SYCE1: variants seen among roughly 807,000 people sequenced by gnomAD.
The protein encoded by SYCE1 is cancer/testis antigen 76.
Under a neutral mutation model 55.1 loss-of-function variants are expected in SYCE1, and 37 were observed. That is an observed-to-expected ratio of 0.67 (90% confidence interval 0.52 to 0.88). The LOEUF is 0.88. Ranked by LOEUF, SYCE1 falls within the 40% of genes least tolerant of loss-of-function variation. The pLI is 0.00. For synonymous variants in SYCE1, 163 were observed against 159.4 expected (o/e 1.02, Z -0.17); for missense variants, 399 against 416.4 (o/e 0.96, Z 0.36).
intron 8 of SYCE1, 54 bp from the exon 9 acceptor site, chr10:133,556,101 A>G: frequency 1.9e-6 from 3 of 1,594,408 alleles, no homozygotes; most frequent in Non-Finnish European, 2.6e-6. Context: ...CCCATGCCTC[A>G]AAGAAGGCTA....
At chr10:133,556,908 T>C (rs1207803685) in intron 7 of SYCE1, 86 bp from the exon 8 acceptor site, 3 of 1,557,978 alleles carry the variant, frequency 1.9e-6, no homozygotes, top group Admixed American at 3.3e-5. Flanking sequence ...TTCAGGCAGA[T>C]TTTGGGGTGC....
intron 1 of SYCE1, among the ~76,000 whole-genome samples, chr10:133,561,696 T>C (rs10857760): frequency 0.13 from 20,298 of 152,014 alleles, 1,327 homozygotes; most frequent in East Asian, 0.25. Flanking sequence ...TTTTTCCTTA[T>C]CATTAGAGTG....
chr10:133,565,914 C>T (rs28434613), upstream of SYCE1, among the ~76,000 whole-genome samples: 1,967 of 152,164 alleles, frequency 0.013, no homozygotes, highest in African/African-American at 0.045. Context: ...TGACGGATGA[C>T]GACTCCACAA....
At chr10:133,559,670 G>T (rs1851775951) in intron 2 of SYCE1, 2 of 405,246 alleles carry the variant, frequency 4.9e-6, no homozygotes, top group Admixed American at 4.0e-5. Context: ...ATCAAGTGGT[G>T]GGGGGCAGGC....
At chr10:133,565,399 C>G in intron 1 of SYCE1, 58 bp downstream of exon 1, 1 of 1,449,628 alleles carries the variant, frequency 6.9e-7, no homozygotes, top group Non-Finnish European at 9.2e-7. Context: ...CGCCCCAACC[C>G]TGCCCCGCCT....
intron 4 of SYCE1, chr10:133,558,515 T>C (rs1298294042): frequency 3.7e-6 from 2 of 538,994 alleles, no homozygotes; most frequent in Non-Finnish European, 6.6e-6. Flanking sequence ...ACACATCAAA[T>C]AGGATGGGGC....
Position 133,558,175 on chromosome 10 carries a change from T to C in SYCE1, c.311A>G (p.Lys104Arg). The C allele has an allele frequency of 6.2e-7, 1 of 1,614,188 alleles. No individual in the cohort carries two copies. Residue 104 changes from lysine (K) to arginine (R), a missense_variant, in exon 5 of 13, where the codon AAA (lysine) becomes AGA (arginine). Lys to Arg is a conservative substitution (Grantham distance 26). Coordinates refer to ENST00000343131, the MANE Select transcript of SYCE1 (RefSeq NM_001143764.3). ...AGGGGAGCGGCAAATACCTTGTTTTTTGCTCAAGATCTCCTTCAGGTGTAC... is the reference window on the plus strand; with the variant it reads ...AGGGGAGCGGCAAATACCTTGTTTTCTGCTCAAGATCTCCTTCAGGTGTAC... ...EKVHLKEILS[K>R]KQETLRILRL...
At chr10:133,559,431 G>T in intron 2 of SYCE1, 71 bp from the exon 3 acceptor site, 1 of 1,470,156 alleles carries the variant, frequency 6.8e-7, no homozygotes, top group Non-Finnish European at 9.5e-7. Flanking sequence ...TTGTGTCTCT[G>T]CTGCTTTCAC....
chr10:133,565,022 G>A (rs1028516446), intron 1 of SYCE1, among the ~76,000 whole-genome samples: 2 of 152,170 alleles, frequency 1.3e-5, no homozygotes, highest in Non-Finnish European at 2.9e-5. Flanking sequence ...CCGGGGCGTC[G>A]GGATGCTGGG....
rs768677147 is a variant in SYCE1, at chr10:133,555,707, C to T, written c.720G>A (p.Val240=). The change falls in exon 11 of 13, where the codon GTG becomes GTA. Residue 240 remains valine, a splice_region_variant and synonymous_variant. Transcript: ENST00000343131. The part of the protein sequence containing the change: ...FLRSQEAAAT[V]QLFQEEHRKA... Reference sequence around the variant, plus strand: ...TCCTGTGCTCTTCCTGAAACAGCTGCCTGGGGGGCCCAGTAGGGGGTGGTC... The same window carrying T: ...TCCTGTGCTCTTCCTGAAACAGCTGTCTGGGGGGCCCAGTAGGGGGTGGTC... 10 of 1,605,926 alleles carry T rather than the reference C, an allele frequency of 6.2e-6. No homozygotes were observed. The highest frequency in any genetic ancestry group is 2.2e-5 in the East Asian group (1 of 44,878).
intron 9 of SYCE1, 36 bp downstream of exon 9, chr10:133,555,945 G>C: frequency 6.2e-7 from 1 of 1,613,794 alleles, no homozygotes; most frequent in Non-Finnish European, 8.5e-7. Flanking sequence ...AGGCACGTGA[G>C]GTCAGATATG....
Position 133,560,086 on chromosome 10 carries a change from A to G in SYCE1, c.136+5T>C. The G allele has an allele frequency of 1.2e-6, 2 of 1,613,960 alleles. No individual in the cohort carries two copies. Among genetic ancestry groups the G allele is most frequent in the South Asian group, 2.2e-5 (2 of 91,068 alleles). ...GCTGTGCCTCACACAAAGGAGACAC[A>G]CGACCTTTCTGCAGCTTTTGCACCA... On this transcript the variant is annotated splice_donor_5th_base_variant and intron_variant, in intron 2 of 12. Transcript: ENST00000343131.
intron 1 of SYCE1, among the ~76,000 whole-genome samples, chr10:133,565,245 C>A (rs932791084): frequency 7.2e-5 from 11 of 152,206 alleles, no homozygotes; most frequent in African/African-American, 2.7e-4. Context: ...ATTGGAGCAA[C>A]TATGATAACA....
Position 133,560,090 on chromosome 10 carries a change from C to T in SYCE1, c.136+1G>A. ...TGCCTCACACAAAGGAGACACACGA[C>T]CTTTCTGCAGCTTTTGCACCATTTC... On this transcript the variant is annotated splice_donor_variant, in intron 2 of 12. Transcript: ENST00000343131. LOFTEE classifies it high-confidence loss of function. The T allele has an allele frequency of 6.2e-7, 1 of 1,614,046 alleles. No homozygotes were observed. The highest frequency in any genetic ancestry group is 1.7e-5 in the Admixed American group (1 of 60,024).
At position 133,560,102 on chromosome 10, in the gene SYCE1, T is replaced by C. The variant is rs142473685; in HGVS notation, c.125A>G (p.Lys42Arg). The C allele has an allele frequency of 1.6e-4, 255 of 1,613,922 alleles. 1 individual carries two copies. In the African/African-American group the frequency reaches 3.1e-3, roughly 20 times the overall value. Residue 42 changes from lysine to arginine, a missense_variant, in exon 2 of 13, where the codon AAG becomes AGG. Transcript: ENST00000343131. ...AGGAGACACACGACCTTTCTGCAGC[T>C]TTTGCACCATTTCCATCAAGTCTTC... The part of the protein sequence containing the change: ...KIEDLMEMVQ[K>R]LQKVGSLEPR...
At position 133,555,329 on chromosome 10, in the gene SYCE1, G is replaced by C. The variant is rs759525146; in HGVS notation, c.918+22C>G. On this transcript the variant is annotated intron_variant, in intron 12 of 12. Coordinates refer to ENST00000343131, the MANE Select transcript of SYCE1 (RefSeq NM_001143764.3). Reference sequence around the variant, plus strand: ...CCTTCAGTAGCTGTTTCTGTTCCCTGACGCCCACTTCTGGGGCTTACCACA... The same window carrying C: ...CCTTCAGTAGCTGTTTCTGTTCCCTCACGCCCACTTCTGGGGCTTACCACA... The C allele has an allele frequency of 7.4e-6, 12 of 1,613,284 alleles. No homozygotes were observed. In the African/African-American group the frequency reaches 1.3e-4, roughly 18 times the overall value.
rs3737034 is a variant in SYCE1 at position 133,555,331 on chromosome 10, C to T, written c.918+20G>A. On this transcript the variant is annotated intron_variant, in intron 12 of 12. Coordinates refer to ENST00000343131, the MANE Select transcript of SYCE1 (RefSeq NM_001143764.3). Reference sequence around the variant, plus strand: ...TTCAGTAGCTGTTTCTGTTCCCTGACGCCCACTTCTGGGGCTTACCACATC... The same window carrying T: ...TTCAGTAGCTGTTTCTGTTCCCTGATGCCCACTTCTGGGGCTTACCACATC... 0.11 allele frequency: 175,795 copies of T among 1,613,148 alleles called. 11,040 individuals are homozygous for T. Among genetic ancestry groups the T allele is most frequent in the East Asian group, 0.27 (11,901 of 44,832 alleles).
chr10:133,567,047 T>A (rs1378517916), upstream of SYCE1, among the ~76,000 whole-genome samples: 1 of 151,390 alleles, frequency 6.6e-6, no homozygotes, highest in Non-Finnish European at 1.5e-5. Flanking sequence ...TAGGCATAGG[T>A]TCGAGTTTGG....
chr10:133,567,987 G>A (rs1851987494), upstream of SYCE1: 10 of 593,550 alleles, frequency 1.7e-5, no homozygotes, highest in Admixed American at 1.3e-4. Context: ...TGCACCCACT[G>A]GGGCTCCAAG....
Sources: gnomAD v4.1 joint callset for allele counts (sites outside exome capture counted in the v4.1 genomes callset) on GRCh38, gnomAD v4.1.1 for gene constraint, MANE v1.5 for transcripts, NCBI Gene and HGNC (gene_info 2026-07-23, HGNC 2026-07-21) for gene names.